Variants in ZNF470 observed in about 807,000 individuals in gnomAD.
The protein encoded by ZNF470 is chondrogenesis zinc finger protein 1.
A neutral mutation model predicts 13.9 loss-of-function variants in ZNF470; 13 were observed. The observed-to-expected ratio is 0.94, with a 90% CI of 0.61 to 1.49. ZNF470 has a LOEUF of 1.49. Ranked by LOEUF, ZNF470 falls within the 40% of genes most tolerant of loss-of-function variation. The pLI is 0.00. For missense variants in ZNF470, 929 were observed against 857.3 expected (o/e 1.08, Z -1.04); for synonymous variants, 293 against 282.9 (o/e 1.04, Z -0.36).
chr19:56,567,974 C>T lies in ZNF470; in HGVS notation c.-223C>T. 1 of 985,668 alleles carries T rather than the reference C, an allele frequency of 1.0e-6. No individual in the cohort carries two copies. The highest frequency in any genetic ancestry group is 1.2e-6 in the Non-Finnish European group (1 of 830,142). 61.1% of individuals were successfully genotyped at this position (985,668 alleles called of 1,614,324 possible). A position where few individuals can be genotyped will look rare whatever the true frequency, so the allele number is the denominator to read the frequency against. ...TCAGCCCTATCTGGAAGGGGCAGAG[C>T]CCAGGACAGGGCTCCATGTCCACAG... On this transcript the variant is annotated 5_prime_UTR_variant, in exon 1 of 6. Coordinates refer to ENST00000330619, the MANE Select transcript of ZNF470 (RefSeq NM_001001668.4).
At position 56,574,618 on chromosome 19, in the gene ZNF470, A is replaced by T. The variant is rs765991928; in HGVS notation, c.188-20A>T. ...GTTTTCCACAGCATAGGCAATTTTT[A>T]TATGTCTTTTTACATGCAGGTCTTT... On this transcript the variant is annotated intron_variant, in intron 4 of 5. Transcript: ENST00000330619. The T allele has an allele frequency of 1.2e-6, 2 of 1,612,258 alleles. No homozygotes were observed. The highest frequency in any genetic ancestry group is 2.2e-5 in the South Asian group (2 of 90,886).
At chr19:56,570,584 A>G (rs965063432) in intron 3 of ZNF470, among the ~76,000 whole-genome samples, 1 of 151,930 alleles carries the variant, frequency 6.6e-6, no homozygotes, top group African/African-American at 2.4e-5. Context: ...CTTCCTGCTC[A>G]TTGTTTATTT....
rs1568496036 is a variant in ZNF470 at position 56,577,873 on chromosome 19, G to T, written c.1444G>T (p.Glu482Ter). Reference protein sequence around the residue: ...QRVHTGEKPYECKECGKAFRQ... With the variant: ...QRVHTGEKPY ...AGTTCATACTGGAGAGAAACCCTAT[G>T]AATGTAAAGAATGTGGGAAAGCTTT... The change falls in exon 6 of 6, where the codon GAA becomes TAA. Residue 482 changes from glutamate (E) to a stop codon, truncating the protein, a stop_gained. Coordinates refer to ENST00000330619, the MANE Select transcript of ZNF470 (RefSeq NM_001001668.4). LOFTEE classifies it low-confidence loss of function (END_TRUNC). The T allele has an allele frequency of 6.2e-7, 1 of 1,613,902 alleles. No individual in the cohort carries two copies. The highest frequency in any genetic ancestry group is 1.7e-5 in the Admixed American group (1 of 59,994).
At position 56,577,337 on chromosome 19, in the gene ZNF470, A is replaced by G. The variant is rs768041374; in HGVS notation, c.908A>G (p.Gln303Arg). The G allele has an allele frequency of 1.2e-6, 2 of 1,613,940 alleles. No homozygotes were observed. Among genetic ancestry groups the G allele is most frequent in the Non-Finnish European group, 1.7e-6 (2 of 1,179,892 alleles). ...CAGAATGCTCATCTTGTTCAACACC[A>G]GAGAGTTCATACTGGAGAGAAACCT... The part of the protein sequence containing the change: ...FSQNAHLVQH[Q>R]RVHTGEKPYQ... The change falls in exon 6 of 6, where the codon CAG (glutamine) becomes CGG (arginine). Residue 303 changes from glutamine to arginine, a missense_variant. Coordinates refer to ENST00000330619, the MANE Select transcript of ZNF470 (RefSeq NM_001001668.4).
chr19:56,578,970 A>G lies in ZNF470; in HGVS notation c.*387A>G. The G allele has an allele frequency of 4.0e-6, 4 of 996,278 alleles. No individual in the cohort carries two copies. The highest frequency in any genetic ancestry group is 4.8e-6 in the Non-Finnish European group (4 of 837,448). 61.7% of individuals were successfully genotyped at this position (996,278 alleles called of 1,614,324 possible). A position where few individuals can be genotyped will look rare whatever the true frequency, so the allele number is the denominator to read the frequency against. The stretch of plus-strand genomic sequence containing the variant: ...AGACTAAGATTTTAGAGCAGACAGA[A>G]GACTACTCTCCTGGTAGAGAGGAAA... On this transcript the variant is annotated 3_prime_UTR_variant, in exon 6 of 6. Transcript: ENST00000330619.
In ZNF470 at chr19:56,574,415, G is replaced by A. The variant is rs767206664; in HGVS notation, c.82G>A (p.Val28Met). ...MSLGSVTFTD[V>M]AIDFSQDEWE... The stretch of plus-strand genomic sequence containing the variant: ...TTAGGGTTCAGTGACTTTCACAGAT[G>A]TGGCCATAGACTTTTCCCAAGATGA... Residue 28 changes from valine to methionine, a missense_variant, in exon 4 of 6, where the codon GTG (valine) becomes ATG (methionine). Val to Met is a conservative substitution (Grantham distance 21, BLOSUM62 1). Coordinates refer to ENST00000330619, the MANE Select transcript of ZNF470 (RefSeq NM_001001668.4). 1.9e-6 allele frequency: 3 copies of A among 1,613,728 alleles called. No homozygotes were observed. The East Asian group carries it at 6.7e-5, about 36-fold the overall frequency.
intron 5 of ZNF470, among the ~76,000 whole-genome samples, chr19:56,575,369 A>G (rs779978772): frequency 1.1e-4 from 17 of 152,100 alleles, no homozygotes; most frequent in South Asian, 8.3e-4. Context: ...TTAGCTCATG[A>G]ATATTACTTT....
chr19:56,573,112 A>T (rs1348728640), intron 3 of ZNF470, among the ~76,000 whole-genome samples: 1 of 152,256 alleles, frequency 6.6e-6, no homozygotes, highest in East Asian at 1.9e-4. Context: ...ATTGTAGCAT[A>T]CTACAGTTAG....
chr19:56,573,226 T>C lies in ZNF470; in HGVS notation c.61-1168T>C, dbSNP rs561607441. On this transcript the variant is annotated intron_variant, in intron 3 of 5. Coordinates refer to ENST00000330619, the MANE Select transcript of ZNF470 (RefSeq NM_001001668.4). The stretch of plus-strand genomic sequence containing the variant: ...CTCTCTGTTTTTTCCCTTCTGTCCT[T>C]CTTCATCCTTATCATAGGCAACAAT... Among the ~76,000 whole-genome samples, 6 of 152,334 alleles carry C rather than the reference T, an allele frequency of 3.9e-5. No homozygotes were observed. In the South Asian group the frequency reaches 1.2e-3, roughly 32 times the overall value.
chr19:56,570,442 T>A, intron 3 of ZNF470, 71 bp downstream of exon 3: 1 of 1,471,254 alleles, frequency 6.8e-7, no homozygotes, highest in Non-Finnish European at 9.5e-7. Context: ...CTTGTTTTCT[T>A]CTGAAAATAT....
rs1185377124 is a variant in ZNF470, at chr19:56,581,343, G to A, written c.*2760G>A. The A allele has an allele frequency of 2.3e-6, 2 of 879,378 alleles. No homozygotes were observed. Among genetic ancestry groups the A allele is most frequent in the Non-Finnish European group, 2.7e-6 (2 of 733,502 alleles). The allele number at this position is 879,378 out of a possible 1,614,324, so 54.5% of individuals were successfully genotyped here. A position where few individuals can be genotyped will look rare whatever the true frequency, so the allele number is the denominator to read the frequency against. On this transcript the variant is annotated 3_prime_UTR_variant, in exon 6 of 6. Coordinates refer to ENST00000330619, the MANE Select transcript of ZNF470 (RefSeq NM_001001668.4). ...AATCGAGTGATAACATTCAGTATTG[G>A]TGAATGTGTGGAAACAAGGGAATTC...
chr19:56,582,218 G>T lies in ZNF470; in HGVS notation c.*3635G>T. 1 of 985,264 alleles carries T rather than the reference G, an allele frequency of 1.0e-6. No homozygotes were observed. The allele number at this position is 985,264 out of a possible 1,614,324, so 61.0% of individuals were successfully genotyped here. A position where few individuals can be genotyped will look rare whatever the true frequency, so the allele number is the denominator to read the frequency against. ...TCACCTGGGATGAATAGAGGTCTAG[G>T]GTTCTGGATAATGATAATTTAAGGA... On this transcript the variant is annotated 3_prime_UTR_variant, in exon 6 of 6. Coordinates refer to ENST00000330619, the MANE Select transcript of ZNF470 (RefSeq NM_001001668.4).
In ZNF470 at chr19:56,582,162, C is replaced by T. The variant is rs1017313118; in HGVS notation, c.*3579C>T. 52 of 985,150 alleles carry T rather than the reference C, an allele frequency of 5.3e-5. No homozygotes were observed. Among genetic ancestry groups the T allele is most frequent in the South Asian group, 1.4e-4 (3 of 21,278 alleles). 61.0% of individuals were successfully genotyped at this position (985,150 alleles called of 1,614,324 possible). A position where few individuals can be genotyped will look rare whatever the true frequency, so the allele number is the denominator to read the frequency against. On this transcript the variant is annotated 3_prime_UTR_variant, in exon 6 of 6. Coordinates refer to ENST00000330619, the MANE Select transcript of ZNF470 (RefSeq NM_001001668.4). ...AGACTGGAAAGCATCTCATGGTGTGCGATGAGCAAACGCCTGATTATTCAT... is the reference window on the plus strand; with the variant it reads ...AGACTGGAAAGCATCTCATGGTGTGTGATGAGCAAACGCCTGATTATTCAT...
At position 56,578,637 on chromosome 19, in the gene ZNF470, CCAT is replaced by C. The variant is rs2044512319; in HGVS notation, c.*61_*63del. 2.1e-6 allele frequency: 3 copies of C among 1,427,358 alleles called. No individual in the cohort carries two copies. The highest frequency in any genetic ancestry group is 1.7e-5 in the South Asian group (1 of 58,164). 88.4% of individuals were successfully genotyped at this position (1,427,358 alleles called of 1,614,324 possible). On this transcript the variant is annotated 3_prime_UTR_variant, in exon 6 of 6. Coordinates refer to ENST00000330619, the MANE Select transcript of ZNF470 (RefSeq NM_001001668.4). ...CATCTGCTTTTTTCCAGCACATGTC[CCAT>C]CATCATAGTCCAAGACGCAACCATC...
rs2044541986 is a variant in ZNF470 at position 56,582,423 on chromosome 19, C to T, written c.*3840C>T. 1 of 985,218 alleles carries T rather than the reference C, an allele frequency of 1.0e-6. No individual in the cohort carries two copies. Among genetic ancestry groups the T allele is most frequent in the African/African-American group, 1.7e-5 (1 of 57,210 alleles). 61.0% of individuals were successfully genotyped at this position (985,218 alleles called of 1,614,324 possible). ...TTAAAGTCATAGGGTTAAGATGGCT[C>T]ATAACCAAATTTAGAGACTATTTTT... On this transcript the variant is annotated 3_prime_UTR_variant, in exon 6 of 6. Transcript: ENST00000330619.
At chr19:56,568,661 T>C (rs2147977869) in intron 1 of ZNF470, 97 bp from the exon 2 acceptor site, 1 of 152,288 alleles carries the variant, frequency 6.6e-6, no homozygotes, top group East Asian at 1.9e-4. Context: ...TAATGAGTGT[T>C]TATTATGTGC....
Position 56,581,305 on chromosome 19 carries a change from C to T in ZNF470, c.*2722C>T. On this transcript the variant is annotated 3_prime_UTR_variant, in exon 6 of 6. Transcript: ENST00000330619. ...TTAAAGTGATTATCTACTTTTTCCC[C>T]AAAAGACTGACTAATCGAGTGATAA... The T allele has an allele frequency of 1.3e-6, 1 of 794,340 alleles. No homozygotes were observed. The highest frequency in any genetic ancestry group is 1.5e-6 in the Non-Finnish European group (1 of 655,916). 49.2% of individuals were successfully genotyped at this position (794,340 alleles called of 1,614,324 possible).
chr19:56,575,804 G>A (rs1233764583), intron 5 of ZNF470, among the ~76,000 whole-genome samples: 1 of 151,990 alleles, frequency 6.6e-6, no homozygotes, highest in Non-Finnish European at 1.5e-5. Context: ...TCAACAAGAG[G>A]ATTGTGGGTT....
At position 56,577,673 on chromosome 19, in the gene ZNF470, A is replaced by T; in HGVS notation, c.1244A>T (p.His415Leu). Residue 415 changes from histidine (H) to leucine (L), a missense_variant, in exon 6 of 6, where the codon CAT becomes CTT. Coordinates refer to ENST00000330619, the MANE Select transcript of ZNF470 (RefSeq NM_001001668.4). ...AFTDHIGLIQ[H>L]KRTHTGERPY... ...ACTGATCACATAGGACTTATTCAGC[A>T]TAAGAGAACTCATACTGGAGAGAGA... The T allele has an allele frequency of 6.2e-7, 1 of 1,611,238 alleles. No homozygotes were observed. The highest frequency in any genetic ancestry group is 1.3e-5 in the African/African-American group (1 of 74,992).
Sources: gnomAD v4.1 joint callset for allele counts (sites outside exome capture counted in the v4.1 genomes callset) on GRCh38, gnomAD v4.1.1 for gene constraint, MANE v1.5 for transcripts, NCBI Gene and HGNC (gene_info 2026-07-23, HGNC 2026-07-21) for gene names.